GARIN2: variants seen among roughly 807,000 people sequenced by gnomAD.
GARIN2 encodes golgi associated RAB2 interactor family member 2, also known as Golgi-associated RAB2 interactor protein 2.
the GARIN2 span, chr14:67,208,432 C>G: frequency 6.2e-7 from 1 of 1,613,598 alleles, no homozygotes; most frequent in Non-Finnish European, 8.5e-7. Context: ...GCACAGCTCT[C>G]AAGGCTGAAG....
the GARIN2 span, among the ~76,000 whole-genome samples, chr14:67,209,819 GAAAA>G: frequency 6.5e-5 from 5 of 76,924 alleles, no homozygotes; most frequent in African/African-American, 2.5e-4. Context: ...CTCCATCTCG[GAAAA>G]AAAAAAAAAA....
chr14:67,227,703 A>T, the GARIN2 span: 1 of 152,170 alleles, frequency 6.6e-6, no homozygotes, highest in African/African-American at 2.4e-5. Flanking sequence ...AGTACAGCAC[A>T]GATTAAGAAC....
the GARIN2 span, among the ~76,000 whole-genome samples, chr14:67,191,105 G>A: frequency 6.6e-6 from 1 of 152,164 alleles, no homozygotes; most frequent in Non-Finnish European, 1.5e-5. Context: ...ATGGTGGCGG[G>A]CGCCTCTAAT....
chr14:67,204,383 G>A, the GARIN2 span: 1 of 712,322 alleles, frequency 1.4e-6, no homozygotes, highest in Middle Eastern at 7.3e-4. Flanking sequence ...AGGCTGCAGT[G>A]AGCCATGATC....
chr14:67,199,341 A>C, the GARIN2 span: 44 of 1,613,996 alleles, frequency 2.7e-5, no homozygotes, highest in Non-Finnish European at 3.6e-5. Flanking sequence ...GCTCACAACA[A>C]AAACCTGGAT....
the GARIN2 span, chr14:67,208,360 G>A: frequency 6.2e-7 from 1 of 1,613,944 alleles, no homozygotes; most frequent in Non-Finnish European, 8.5e-7. Context: ...TAGAAAGTGA[G>A]GCAAATACAT....
At chr14:67,189,819 T>C in the GARIN2 span, 1 of 149,840 alleles carries the variant, frequency 6.7e-6, no homozygotes, top group African/African-American at 2.5e-5. Flanking sequence ...TGAAAGCATG[T>C]TTTCTGGATT....
chr14:67,192,523 C>G, the GARIN2 span, among the ~76,000 whole-genome samples: 52 of 151,652 alleles, frequency 3.4e-4, no homozygotes, highest in Admixed American at 7.2e-4. Flanking sequence ...CTACTGTGCC[C>G]GCACACCGAG....
the GARIN2 span, chr14:67,228,256 ATT>A: frequency 5.2e-6 from 1 of 190,774 alleles, no homozygotes; most frequent in Non-Finnish European, 9.6e-6. Context: ...AAGGATCTTT[ATT>A]TTTTATATCA....
the GARIN2 span, chr14:67,221,847 T>C: frequency 2.2e-4 from 348 of 1,607,174 alleles, 4 homozygotes; most frequent in South Asian, 3.6e-3. Flanking sequence ...TTGTGATCCC[T>C]GGTATTCAGT....
chr14:67,223,932 A>G, the GARIN2 span: 1 of 985,294 alleles, frequency 1.0e-6, no homozygotes. Flanking sequence ...TTGGAGTACA[A>G]ATTAAAAATG....
the GARIN2 span, among the ~76,000 whole-genome samples, chr14:67,212,239 A>G: frequency 6.6e-6 from 1 of 152,142 alleles, no homozygotes; most frequent in African/African-American, 2.4e-5. Flanking sequence ...CATTATTGTC[A>G]CTAATAATTC....
the GARIN2 span, among the ~76,000 whole-genome samples, chr14:67,222,952 A>G: frequency 6.6e-6 from 1 of 151,486 alleles, no homozygotes; most frequent in Non-Finnish European, 1.5e-5. Flanking sequence ...TCATTATAGA[A>G]TAGGTTTTTA....
At chr14:67,213,369 G>A in the GARIN2 span, among the ~76,000 whole-genome samples, 3 of 125,962 alleles carry the variant, frequency 2.4e-5, no homozygotes, top group Admixed American at 2.1e-4. Context: ...CTGTGTCCAT[G>A]TGTTCTCATT....
chr14:67,199,208 C>T, the GARIN2 span: 1 of 1,606,902 alleles, frequency 6.2e-7, no homozygotes, highest in East Asian at 2.2e-5. Flanking sequence ...AGGATAGAGT[C>T]ACTGGCCAGC....
the GARIN2 span, chr14:67,196,910 T>C: frequency 6.6e-6 from 1 of 152,218 alleles, no homozygotes; most frequent in Non-Finnish European, 1.5e-5. Flanking sequence ...GAAATTAGTT[T>C]CTTTTGTATA....
chr14:67,214,652 C>G, the GARIN2 span, among the ~76,000 whole-genome samples: 1 of 151,884 alleles, frequency 6.6e-6, no homozygotes, highest in African/African-American at 2.4e-5. Context: ...GATGCGGGCT[C>G]TTTTTTGGTT....
the GARIN2 span, among the ~76,000 whole-genome samples, chr14:67,218,478 A>G: frequency 6.6e-6 from 1 of 152,098 alleles, no homozygotes; most frequent in Non-Finnish European, 1.5e-5. Flanking sequence ...CTGAGGCCTG[A>G]TATGTGGATA....
At chr14:67,199,336 C>A in the GARIN2 span, 1 of 1,613,882 alleles carries the variant, frequency 6.2e-7, no homozygotes, top group Non-Finnish European at 8.5e-7. Context: ...CATCAGCTCA[C>A]AACAAAAACC....
Sources: gnomAD v4.1 joint callset for allele counts (sites outside exome capture counted in the v4.1 genomes callset) on GRCh38, gnomAD v4.1.1 for gene constraint, MANE v1.5 for transcripts, NCBI Gene and HGNC (gene_info 2026-07-23, HGNC 2026-07-21) for gene names.